Variants in CAPN13 observed in about 807,000 individuals in gnomAD.
CAPN13 encodes calpain-13.
Under a neutral mutation model 98.4 loss-of-function variants are expected in CAPN13, and 90 were observed. The ratio of observed to expected loss-of-function variants is 0.92; its 90% confidence interval spans 0.77 to 1.09. The LOEUF is 1.09. Among genes scored for constraint, CAPN13 ranks in the 50% least tolerant of loss-of-function variants. CAPN13 has a pLI of 0.00. For missense variants in CAPN13, 887 were observed against 841.3 expected, an observed-to-expected ratio of 1.05 and a Z score of -0.67; for synonymous variants, 330 against 305.5, an observed-to-expected ratio of 1.08 and a Z score of -0.84.
chr2:30,806,309 C>G (rs1315122266), intron 1 of CAPN13: 1 of 152,118 alleles, frequency 6.6e-6, no homozygotes, highest in Non-Finnish European at 1.5e-5. Flanking sequence ...ATAGCTTTTG[C>G]CTATTACACA....
At chr2:30,723,706 G>T (rs1431436096) in intron 22 of CAPN13, among the ~76,000 whole-genome samples, 1 of 152,158 alleles carries the variant, frequency 6.6e-6, no homozygotes, top group Non-Finnish European at 1.5e-5. Flanking sequence ...AGTGCAGGGG[G>T]CTTGGAATAA....
intron 11 of CAPN13, chr2:30,746,839 C>T (rs1223785282): frequency 1.3e-5 from 2 of 152,794 alleles, no homozygotes; most frequent in East Asian, 3.8e-4. Context: ...GAAACTGAGG[C>T]AGAAAAGGAG....
intron 5 of CAPN13, among the ~76,000 whole-genome samples, chr2:30,768,633 G>C (rs1367720552): frequency 6.6e-6 from 1 of 150,660 alleles, no homozygotes; most frequent in Admixed American, 6.6e-5. Context: ...GCAAGGTCTT[G>C]CTCTTTTTTT....
intron 2 of CAPN13, among the ~76,000 whole-genome samples, chr2:30,783,083 C>G (rs1431880523): frequency 6.6e-6 from 1 of 152,120 alleles, no homozygotes; most frequent in African/African-American, 2.4e-5. Context: ...TATTATCTAC[C>G]TCACAGGACT....
chr2:30,752,503 G>T (rs1352231845), intron 10 of CAPN13, among the ~76,000 whole-genome samples: 2 of 152,182 alleles, frequency 1.3e-5, no homozygotes, highest in African/African-American at 4.8e-5. Flanking sequence ...CTACCTGTGG[G>T]ACTTCAGCAG....
At position 30,742,284 on chromosome 2, in the gene CAPN13, G is replaced by T. The variant is rs754302643; in HGVS notation, c.1479+42C>A. On this transcript the variant is annotated intron_variant, in intron 14 of 22. Coordinates refer to ENST00000295055, the MANE Select transcript of CAPN13 (RefSeq NM_144575.3). The stretch of plus-strand genomic sequence containing the variant: ...GACGGAAGCTCTTGGGGATGGGATG[G>T]GGCCAATGAGGCTCGCCAGCCAAAC... 8 of 1,586,796 alleles carry T rather than the reference G, an allele frequency of 5.0e-6. No individual in the cohort carries two copies. The Admixed American group carries it at 1.4e-4, about 28-fold the overall frequency.
chr2:30,759,052 TTCCCTCCCTCCCTCCCTCC>T (rs1398715044), intron 7 of CAPN13, among the ~76,000 whole-genome samples: 4 of 15,640 alleles, frequency 2.6e-4, no homozygotes, highest in African/African-American at 6.8e-4. Flanking sequence ...CCTTCCTTCC[TTCCCTCCCTCCCTCCCTCC>T]TCCCTCCCTT....
intron 22 of CAPN13, among the ~76,000 whole-genome samples, chr2:30,723,522 T>G (rs1156942143): frequency 6.6e-6 from 1 of 152,066 alleles, no homozygotes; most frequent in African/African-American, 2.4e-5. Context: ...TTTAGCACCT[T>G]GAGGGCTGGC....
At chr2:30,783,408 C>A (rs920138152) in intron 2 of CAPN13, among the ~76,000 whole-genome samples, 2 of 151,962 alleles carry the variant, frequency 1.3e-5, no homozygotes, top group African/African-American at 2.4e-5. Flanking sequence ...GGCTTGGGAA[C>A]AGAATAAAGC....
intron 22 of CAPN13, 31 bp from the exon 23 acceptor site, chr2:30,723,267 A>AG (rs1670753033): frequency 6.6e-6 from 1 of 152,300 alleles, no homozygotes; most frequent in African/African-American, 2.4e-5. Context: ...GCAAATGCAG[A>AG]GGGCCAAGGG....
At chr2:30,730,075 C>A (rs1276980913) in intron 22 of CAPN13, among the ~76,000 whole-genome samples, 3 of 152,290 alleles carry the variant, frequency 2.0e-5, no homozygotes, top group Non-Finnish European at 4.4e-5. Flanking sequence ...GAATACCTAA[C>A]ACTCGGAGAT....
chr2:30,746,042 A>T (rs1671895628), intron 11 of CAPN13, among the ~76,000 whole-genome samples: 1 of 151,874 alleles, frequency 6.6e-6, no homozygotes, highest in Admixed American at 6.6e-5. Context: ...CTGGGATTAG[A>T]GATGTGTGCC....
intron 20 of CAPN13, among the ~76,000 whole-genome samples, chr2:30,731,968 C>T (rs977360858): frequency 6.6e-6 from 1 of 152,108 alleles, no homozygotes; most frequent in Non-Finnish European, 1.5e-5. Flanking sequence ...CTCGGGGTTT[C>T]ACACTAGATT....
At chr2:30,741,844 T>C (rs750051946) in intron 15 of CAPN13, 64 bp downstream of exon 15, 18 of 1,612,076 alleles carry the variant, frequency 1.1e-5, no homozygotes, top group Non-Finnish European at 1.4e-5. Context: ...CTGTGAGAGC[T>C]GTCCCTCCCT....
At chr2:30,789,235 C>T (rs1018881236) in intron 1 of CAPN13, among the ~76,000 whole-genome samples, 7 of 152,172 alleles carry the variant, frequency 4.6e-5, no homozygotes, top group Non-Finnish European at 7.3e-5. Context: ...GGCGATGGCA[C>T]TCGATAATGA....
Position 30,741,253 on chromosome 2 carries a change from A to G in CAPN13, c.1536+655T>C, listed in dbSNP as rs1311871001. The G allele has an allele frequency of 7.0e-6, 3 of 428,966 alleles. No homozygotes were observed. The East Asian group carries it at 4.7e-4, about 68-fold the overall frequency. The allele number at this position is 428,966 out of a possible 1,614,324, so 26.6% of individuals were successfully genotyped here. ...CTTCTGGGTGACTACTACCCCATTA[A>G]CCCTCTGAATGCAGAGGCAGGGCCT... On this transcript the variant is annotated intron_variant, in intron 15 of 22. Coordinates refer to ENST00000295055, the MANE Select transcript of CAPN13 (RefSeq NM_144575.3).
chr2:30,765,791 T>C (rs1283188090), intron 5 of CAPN13, among the ~76,000 whole-genome samples: 1 of 152,254 alleles, frequency 6.6e-6, no homozygotes, highest in Non-Finnish European at 1.5e-5. Flanking sequence ...GAAAGCCTTT[T>C]ATTAAAGAAA....
intron 4 of CAPN13, among the ~76,000 whole-genome samples, chr2:30,773,067 A>G (rs1282461273): frequency 6.6e-6 from 1 of 152,036 alleles, no homozygotes; most frequent in Non-Finnish European, 1.5e-5. Flanking sequence ...CTCGTGATCT[A>G]CCCACCTCAG....
At chr2:30,755,130 C>T (rs553553641) in intron 8 of CAPN13, among the ~76,000 whole-genome samples, 4 of 152,030 alleles carry the variant, frequency 2.6e-5, no homozygotes, top group African/African-American at 7.2e-5. Flanking sequence ...ACACCACCCC[C>T]CCAAGCCCAA....
Sources: allele counts gnomAD v4.1 joint callset (sites outside exome capture counted in the v4.1 genomes callset), GRCh38; gene constraint gnomAD v4.1.1; transcripts MANE v1.5; gene names NCBI Gene and HGNC (gene_info 2026-07-23, HGNC 2026-07-21).